The following ATP5MJ variants were observed in gnomAD, a reference collection of about 807,000 sequenced individuals.
ATP5MJ encodes the protein ATP synthase F(0) complex subunit j, mitochondrial.
A neutral mutation model predicts 8.3 loss-of-function variants in ATP5MJ; 4 were observed. The observed-to-expected ratio is 0.48, with a 90% CI of 0.24 to 1.11. ATP5MJ has a LOEUF of 1.11. Among genes scored for constraint, ATP5MJ ranks in the 50% least tolerant of loss-of-function variants. ATP5MJ has a pLI of 0.18. For missense variants in ATP5MJ, 66 were observed against 71.8 expected, an observed-to-expected ratio of 0.92 and a Z score of 0.29; for synonymous variants, 23 against 21.3, an observed-to-expected ratio of 1.08 and a Z score of -0.23.
At chr14:103,915,032 T>C (rs2152107376) in intron 2 of ATP5MJ, 34 bp downstream of exon 2, 1 of 1,613,190 alleles carries the variant, frequency 6.2e-7, no homozygotes, top group Non-Finnish European at 8.5e-7. Context: ...ATTTTCTTCC[T>C]GACCTCAGAA....
In ATP5MJ at chr14:103,912,613, A is replaced by G; in HGVS notation, c.*53T>C. On this transcript the variant is annotated 3_prime_UTR_variant, in exon 4 of 4. Transcript: ENST00000286953. ...GCTCCCCATCTAACACGGCTTGCTG[A>G]AATTTACAGGCAGACTGACGTTTTC... The G allele has an allele frequency of 6.3e-7, 1 of 1,590,910 alleles. No homozygotes were observed. The highest frequency in any genetic ancestry group is 8.6e-7 in the Non-Finnish European group (1 of 1,160,414).
chr14:103,919,530 G>A (rs1235369910), intron 1 of ATP5MJ, among the ~76,000 whole-genome samples: 1 of 152,222 alleles, frequency 6.6e-6, no homozygotes, highest in Non-Finnish European at 1.5e-5. Flanking sequence ...ATTTAGGCCA[G>A]GTAGGGGCTT....
In ATP5MJ at chr14:103,912,526, A is replaced by T; in HGVS notation, c.*140T>A. The stretch of plus-strand genomic sequence containing the variant: ...AGTACCAGGTAGCAGTGCATCTCAC[A>T]GATCCATTTATTCATGCCATGAAGT... On this transcript the variant is annotated 3_prime_UTR_variant, in exon 4 of 4. Coordinates refer to ENST00000286953, the MANE Select transcript of ATP5MJ (RefSeq NM_004894.3). 1.1e-6 allele frequency: 1 copy of T among 884,666 alleles called. No individual in the cohort carries two copies. The highest frequency in any genetic ancestry group is 1.8e-6 in the Non-Finnish European group (1 of 550,122). The allele number at this position is 884,666 out of a possible 1,614,324, so 54.8% of individuals were successfully genotyped here. A position where few individuals can be genotyped will look rare whatever the true frequency, so the allele number is the denominator to read the frequency against.
At chr14:103,917,981 C>T (rs762897080) in intron 1 of ATP5MJ, 1 of 152,230 alleles carries the variant, frequency 6.6e-6, no homozygotes, top group African/African-American at 2.4e-5. Flanking sequence ...CAAGGATGGT[C>T]GTGAGGGTGG....
chr14:103,914,037 G>T (rs2087603363), intron 2 of ATP5MJ, 53 bp from the exon 3 acceptor site: 1 of 1,530,054 alleles, frequency 6.5e-7, no homozygotes, highest in African/African-American at 1.4e-5. Context: ...TTACAAAAAT[G>T]CCTTTGTCAA....
At chr14:103,914,878 AT>A in intron 2 of ATP5MJ, 187 bp downstream of exon 2, 1 of 611,546 alleles carries the variant, frequency 1.6e-6, no homozygotes, top group Non-Finnish European at 2.6e-6. Flanking sequence ...GAAAAAAAAA[AT>A]TCCCCACTGT....
rs188036235 is a variant in ATP5MJ, at chr14:103,915,094, G to A, written c.96C>T (p.Gly32=). The change falls in exon 2 of 4, where the codon GGC becomes GGT. Residue 32 remains glycine, a synonymous_variant. Coordinates refer to ENST00000286953, the MANE Select transcript of ATP5MJ (RefSeq NM_004894.3). The stretch of plus-strand genomic sequence containing the variant: ...CAGCCCGGATTTTATAAACGATGAA[G>A]CCCATCAGCCCCATTCCTATCCAAA... ...QEIWIGMGLM[G]FIVYKIRAAD... is the part of the protein sequence containing the mutation. 9.9e-6 allele frequency: 16 copies of A among 1,614,048 alleles called. No homozygotes were observed. The Admixed American group carries it at 2.7e-4, about 27-fold the overall frequency.
At chr14:103,917,679 A>G (rs2087636197) in intron 1 of ATP5MJ, among the ~76,000 whole-genome samples, 1 of 152,294 alleles carries the variant, frequency 6.6e-6, no homozygotes, top group South Asian at 2.1e-4. Flanking sequence ...GAGTCAGGCA[A>G]GAATGGGGAG....
At chr14:103,920,671 C>T (rs1441183767) in intron 1 of ATP5MJ, among the ~76,000 whole-genome samples, 1 of 150,810 alleles carries the variant, frequency 6.6e-6, no homozygotes, top group African/African-American at 2.4e-5. Flanking sequence ...GGCGTTTCAC[C>T]ATGTTGGTAA....
At chr14:103,921,020 C>T (rs1165853080) in intron 1 of ATP5MJ, 1 of 1,551,642 alleles carries the variant, frequency 6.4e-7, no homozygotes, top group Non-Finnish European at 8.7e-7. Flanking sequence ...TTTCAGCTTC[C>T]CTGTTGCCTC....
chr14:103,913,453 T>C (rs1325482827), intron 3 of ATP5MJ: 2 of 167,598 alleles, frequency 1.2e-5, no homozygotes, highest in Non-Finnish European at 1.3e-5. Flanking sequence ...CTACTAAAAA[T>C]ACAAAACATT....
chr14:103,917,600 C>T (rs879396739), intron 1 of ATP5MJ, among the ~76,000 whole-genome samples: 4 of 152,088 alleles, frequency 2.6e-5, no homozygotes, highest in African/African-American at 4.8e-5. Flanking sequence ...CCTCCCCCAC[C>T]GTGGGAGCTA....
intron 1 of ATP5MJ, among the ~76,000 whole-genome samples, chr14:103,915,938 A>G (rs1356760236): frequency 6.6e-6 from 1 of 152,186 alleles, no homozygotes; most frequent in Non-Finnish European, 1.5e-5. Context: ...TGAACTGCAC[A>G]TGACTCTAAT....
chr14:103,914,868 G>GA (rs1163339872), intron 2 of ATP5MJ, 198 bp downstream of exon 2: 1,564 of 328,130 alleles, frequency 4.8e-3, no homozygotes, highest in African/African-American at 6.1e-3. Flanking sequence ...GAAAAGAAAA[G>GA]AAAAAAAAAA....
At chr14:103,914,045 C>G in intron 2 of ATP5MJ, 61 bp from the exon 3 acceptor site, 1 of 1,479,832 alleles carries the variant, frequency 6.8e-7, no homozygotes, top group Non-Finnish European at 9.3e-7. Context: ...ATGCCTTTGT[C>G]AAAATTAACA....
intron 1 of ATP5MJ, among the ~76,000 whole-genome samples, chr14:103,919,368 A>C (rs1260065153): frequency 1.5e-4 from 20 of 135,582 alleles, no homozygotes; most frequent in Admixed American, 1.1e-3. Flanking sequence ...GCAACAAGAC[A>C]CTCCCCCTTT....
intron 3 of ATP5MJ, chr14:103,912,964 G>A (rs982497412): frequency 4.4e-6 from 2 of 455,814 alleles, no homozygotes; most frequent in Admixed American, 7.2e-5. Flanking sequence ...AGCCAGTCCT[G>A]GGTTTGTGTA....
At chr14:103,920,714 C>G (rs1231629145) in intron 1 of ATP5MJ, among the ~76,000 whole-genome samples, 1 of 152,084 alleles carries the variant, frequency 6.6e-6, no homozygotes, top group Admixed American at 6.6e-5. Flanking sequence ...TCGTGATCCG[C>G]CCGCCTCAGC....
intron 1 of ATP5MJ, among the ~76,000 whole-genome samples, chr14:103,916,593 G>A (rs915800062): frequency 6.6e-6 from 1 of 152,078 alleles, no homozygotes; most frequent in African/African-American, 2.4e-5. Flanking sequence ...TTAACCAGGT[G>A]TGGTGGTGCT....
Sources: gnomAD v4.1 joint callset for allele counts (sites outside exome capture counted in the v4.1 genomes callset) on GRCh38, gnomAD v4.1.1 for gene constraint, MANE v1.5 for transcripts, NCBI Gene and HGNC (gene_info 2026-07-23, HGNC 2026-07-21) for gene names.